The following FRMD4B variants were observed in gnomAD, a reference collection of about 807,000 sequenced individuals.
The protein encoded by FRMD4B is FERM domain-containing protein 4B.
A neutral mutation model predicts 141.5 loss-of-function variants in FRMD4B; 74 were observed. The ratio of observed to expected loss-of-function variants is 0.52; its 90% CI spans 0.43 to 0.63. FRMD4B has a LOEUF of 0.63. FRMD4B is among the 30% of genes least tolerant of loss of function. The pLI is 0.00. For synonymous variants in FRMD4B, 506 were observed against 467.9 expected, an observed-to-expected ratio of 1.08 and a Z score of -1.05; for missense variants, 1,366 against 1,253.4, an observed-to-expected ratio of 1.09 and a Z score of -1.36.
At chr3:69,474,972 C>A (rs1391956000) in intron 1 of FRMD4B, among the ~76,000 whole-genome samples, 1 of 152,080 alleles carries the variant, frequency 6.6e-6, no homozygotes, top group Non-Finnish European at 1.5e-5. Flanking sequence ...AAGCTTAGAC[C>A]AAAAGAATGT....
chr3:69,401,176 AT>A (rs1704557640), intron 2 of FRMD4B, among the ~76,000 whole-genome samples: 2 of 152,226 alleles, frequency 1.3e-5, no homozygotes. Flanking sequence ...CTGAAGAAGA[AT>A]TTTTAAAATG....
chr3:69,300,872 A>G (rs1481565070), intron 4 of FRMD4B, among the ~76,000 whole-genome samples: 1 of 152,110 alleles, frequency 6.6e-6, no homozygotes, highest in Non-Finnish European at 1.5e-5. Flanking sequence ...AGTAGCTGGG[A>G]TTACAGATGC....
chr3:69,516,755 C>G (rs1266856133), intron 1 of FRMD4B, among the ~76,000 whole-genome samples: 9 of 152,140 alleles, frequency 5.9e-5, no homozygotes, highest in Admixed American at 5.9e-4. Flanking sequence ...ACATTTAACA[C>G]TATAGAATCT....
chr3:69,471,621 T>TC (rs909722421), intron 1 of FRMD4B: 12 of 182,064 alleles, frequency 6.6e-5, no homozygotes, highest in East Asian at 2.9e-4. Context: ...TTTCCTTTTT[T>TC]CCCCCCCAAA....
At chr3:69,525,245 CA>C (rs1317125992) in intron 1 of FRMD4B, among the ~76,000 whole-genome samples, 1 of 152,246 alleles carries the variant, frequency 6.6e-6, no homozygotes. Context: ...ATGGAGCTCA[CA>C]GTCTTTTTTC....
At chr3:69,411,846 C>T (rs923630271) in intron 2 of FRMD4B, among the ~76,000 whole-genome samples, 3 of 152,180 alleles carry the variant, frequency 2.0e-5, no homozygotes, top group Non-Finnish European at 4.4e-5. Flanking sequence ...GAACAATTAT[C>T]TATATCAAAT....
At chr3:69,524,603 G>T (rs76451161) in intron 1 of FRMD4B, among the ~76,000 whole-genome samples, 2,543 of 152,280 alleles carry the variant, frequency 0.017, 52 homozygotes, top group African/African-American at 0.056. Context: ...TCCACACAAA[G>T]GTAGGGGAAC....
chr3:69,277,919 G>A (rs1013833468), intron 5 of FRMD4B, among the ~76,000 whole-genome samples: 1 of 149,980 alleles, frequency 6.7e-6, no homozygotes, highest in African/African-American at 2.5e-5. Flanking sequence ...ACAGTGGCCC[G>A]ATCTCGGCTC....
chr3:69,471,622 C>T (rs1049301180), intron 1 of FRMD4B: 6 of 181,424 alleles, frequency 3.3e-5, no homozygotes, highest in Non-Finnish European at 6.1e-5. Context: ...TTCCTTTTTT[C>T]CCCCCCAAAA....
At chr3:69,235,150 AAATAATAAT>A (rs55995422) in intron 7 of FRMD4B, among the ~76,000 whole-genome samples, 5,630 of 134,076 alleles carry the variant, frequency 0.042, 234 homozygotes, top group African/African-American at 0.11. Context: ...ACCCTGTCTC[AAATAATAAT>A]AATAATAATA....
chr3:69,198,737 C>A lies in FRMD4B; in HGVS notation c.914G>T (p.Arg305Leu). Residue 305 changes from arginine (R) to leucine (L), a missense_variant, in exon 12 of 23, where the codon CGT becomes CTT. Transcript: ENST00000398540. The stretch of plus-strand genomic sequence containing the variant: ...AACTTCAACAGCAAATTTTTTCTCA[C>A]GGAAATATAAGTTCTCCAGCTGTTT... ...QWKQLENLYF[R>L]EKKFAVEVHD... The A allele has an allele frequency of 6.4e-7, 1 of 1,568,004 alleles. No homozygotes were observed. The highest frequency in any genetic ancestry group is 8.7e-7 in the Non-Finnish European group (1 of 1,149,556).
chr3:69,493,354 G>C (rs2107031604), intron 1 of FRMD4B, among the ~76,000 whole-genome samples: 1 of 152,290 alleles, frequency 6.6e-6, no homozygotes, highest in East Asian at 1.9e-4. Flanking sequence ...TATAATCAAG[G>C]CCACGTGGGA....
intron 1 of FRMD4B, among the ~76,000 whole-genome samples, chr3:69,492,201 C>T (rs1431357336): frequency 2.0e-5 from 3 of 152,148 alleles, no homozygotes; most frequent in Non-Finnish European, 2.9e-5. Context: ...GTTTGCAAGA[C>T]CTGCATTTGA....
chr3:69,205,059 C>CAAAAAAAAAAAAAAAAAAAAA (rs33955997), intron 11 of FRMD4B, among the ~76,000 whole-genome samples: 32 of 124,326 alleles, frequency 2.6e-4, no homozygotes, highest in African/African-American at 9.0e-4. Context: ...ATGTTTTTAA[C>CAAAAAAAAAAAAAAAAAAAAA]AAAAAAAAAA....
intron 3 of FRMD4B, among the ~76,000 whole-genome samples, chr3:69,303,292 G>A (rs948110104): frequency 7.7e-6 from 1 of 129,310 alleles, no homozygotes; most frequent in Non-Finnish European, 1.8e-5. Context: ...AACAGCCACT[G>A]TACTCCAGCC....
chr3:69,183,602 C>T (rs528181080), intron 19 of FRMD4B, among the ~76,000 whole-genome samples: 118 of 150,300 alleles, frequency 7.9e-4, no homozygotes, highest in African/African-American at 2.9e-3. Context: ...CCTGCCTCAG[C>T]CTCCGGAGTA....
chr3:69,402,624 A>T (rs1704584205), intron 2 of FRMD4B, among the ~76,000 whole-genome samples: 1 of 152,194 alleles, frequency 6.6e-6, no homozygotes, highest in Admixed American at 6.5e-5. Context: ...TAATTCATAT[A>T]TGTAGGGCTG....
intron 1 of FRMD4B, among the ~76,000 whole-genome samples, chr3:69,525,374 G>C (rs137861118): frequency 3.9e-5 from 6 of 152,258 alleles, no homozygotes; most frequent in South Asian, 4.1e-4. Context: ...TCTGGACCCA[G>C]ATCCCAAGGT....
intron 2 of FRMD4B, among the ~76,000 whole-genome samples, chr3:69,409,603 C>A (rs1243503380): frequency 1.3e-5 from 2 of 152,178 alleles, no homozygotes; most frequent in Non-Finnish European, 2.9e-5. Flanking sequence ...TCACACAACC[C>A]AGGTGCTAAC....
Sources: allele counts gnomAD v4.1 joint callset (sites outside exome capture counted in the v4.1 genomes callset), GRCh38; gene constraint gnomAD v4.1.1; transcripts MANE v1.5; gene names NCBI Gene and HGNC (gene_info 2026-07-23, HGNC 2026-07-21).